TMEM200B: variants seen among roughly 807,000 people sequenced by gnomAD.
TMEM200B encodes the protein transmembrane protein TTMA.
In TMEM200B, 12 loss-of-function variants were observed where a neutral mutation model predicts 17.6. That is an observed-to-expected ratio of 0.68 (90% CI 0.44 to 1.11). The LOEUF is 1.11. TMEM200B is among the 50% of genes least tolerant of loss of function. TMEM200B has a pLI of 0.00. For synonymous variants in TMEM200B, 234 were observed against 209.2 expected (o/e 1.12, Z -1.02); for missense variants, 456 against 447.6 (o/e 1.02, Z -0.17).
Position 29,121,506 on chromosome 1 carries a change from T to A in TMEM200B, c.323A>T (p.His108Leu). The A allele has an allele frequency of 6.6e-7, 1 of 1,515,446 alleles. No homozygotes were observed. Among genetic ancestry groups the A allele is most frequent in the East Asian group, 2.5e-5 (1 of 40,056 alleles). The allele number at this position is 1,515,446 out of a possible 1,614,324, so 93.9% of individuals were successfully genotyped here. The change falls in exon 2 of 2, where the codon CAC becomes CTC. Residue 108 changes from histidine to leucine, a missense_variant. His to Leu is a moderately conservative substitution (Grantham distance 99). Transcript: ENST00000521452. This position sits in a 1 kb window ranked among gnomAD's most constrained non-coding sequence, Gnocchi z 5.6. ...RREGRGGGRA[H>L]GPHERLRLLG... ...GAGCCGCAGCCGCTCGTGCGGGCCG[T>A]GAGCCCGGCCCCCGCCGCGACCCTC... is the stretch of plus-strand genomic sequence containing the variant.
At position 29,121,658 on chromosome 1, in the gene TMEM200B, C is replaced by T. The variant is rs1483419364; in HGVS notation, c.171G>A (p.Ala57=). The T allele has an allele frequency of 7.0e-7, 1 of 1,422,516 alleles. No individual in the cohort carries two copies. Among genetic ancestry groups the T allele is most frequent in the South Asian group, 1.4e-5 (1 of 69,484 alleles). 88.1% of individuals were successfully genotyped at this position (1,422,516 alleles called of 1,614,324 possible). The change falls in exon 2 of 2, where the codon GCG becomes GCA. Residue 57 remains alanine (A), a synonymous_variant. Coordinates refer to ENST00000521452, the MANE Select transcript of TMEM200B (RefSeq NM_001003682.4). This position sits in a 1 kb window ranked among gnomAD's most constrained non-coding sequence, Gnocchi z 5.6. The part of the protein sequence containing the change: ...RLRSPSGAFA[A]LGALVVLVGM... ...CCACCAGTACCACGAGCGCCCCCAGCGCCGCGAACGCCCCCGACGGCGAGC... is the reference window on the plus strand; with the variant it reads ...CCACCAGTACCACGAGCGCCCCCAGTGCCGCGAACGCCCCCGACGGCGAGC...
chr1:29,121,583 TG>T lies in TMEM200B; in HGVS notation c.245del (p.Pro82GlnfsTer13). 1 of 1,488,620 alleles carries T rather than the reference TG, an allele frequency of 6.7e-7. No homozygotes were observed. The highest frequency in any genetic ancestry group is 8.9e-7 in the Non-Finnish European group (1 of 1,128,398). 92.2% of individuals were successfully genotyped at this position (1,488,620 alleles called of 1,614,324 possible). On this transcript the variant is annotated frameshift_variant, in exon 2 of 2. Transcript: ENST00000521452. LOFTEE classifies it high-confidence loss of function. The surrounding 1 kb of genome is among the most constrained non-coding windows in gnomAD (Gnocchi z 5.6). ...AGYWPHRAGA[P>X]GSRAANASSP... ...AGCTGGCATTGGCGGCCCGGGACCCTGGGGCCCCGGCCCGGTGCGGCCAGTA... is the reference window on the plus strand; with the variant it reads ...AGCTGGCATTGGCGGCCCGGGACCCTGGGCCCCGGCCCGGTGCGGCCAGTA...
chr1:29,123,323 C>T (rs1217011988), intron 1 of TMEM200B, among the ~76,000 whole-genome samples: 1 of 152,188 alleles, frequency 6.6e-6, no homozygotes, highest in East Asian at 1.9e-4. Context: ...CCAGGTCCGA[C>T]GCCGGGCTCC....
Position 29,121,881 on chromosome 1 carries a change from C to T in TMEM200B, c.-20-33G>A. ...GAGAAGATGGGAGGCAAGGACTGGA[C>T]CGACGGGCCTCTAGCTTCAGGGCGC... is the stretch of plus-strand genomic sequence containing the variant. On this transcript the variant is annotated intron_variant, in intron 1 of 1. Coordinates refer to ENST00000521452, the MANE Select transcript of TMEM200B (RefSeq NM_001003682.4). The surrounding 1 kb of genome is among the most constrained non-coding windows in gnomAD (Gnocchi z 5.6). 1 of 1,228,428 alleles carries T rather than the reference C, an allele frequency of 8.1e-7. No homozygotes were observed. Among genetic ancestry groups the T allele is most frequent in the Non-Finnish European group, 1.0e-6 (1 of 978,228 alleles). 76.1% of individuals were successfully genotyped at this position (1,228,428 alleles called of 1,614,324 possible).
rs1671663753 is a variant in TMEM200B at position 29,120,109 on chromosome 1, T to C, written c.*796A>G. On this transcript the variant is annotated 3_prime_UTR_variant, in exon 2 of 2. Transcript: ENST00000521452. ...CCAGCAACTTGGGAAAAATTAAATA[T>C]GGGTGGGGGAGACCTAAACTCAAGT... is the stretch of plus-strand genomic sequence containing the variant. 1 of 152,712 alleles carries C rather than the reference T, an allele frequency of 6.5e-6. No individual in the cohort carries two copies. The allele number at this position is 152,712 out of a possible 1,614,324, so 9.5% of individuals were successfully genotyped here.
chr1:29,123,781 G>C (rs1172070523), intron 1 of TMEM200B, 75 bp downstream of exon 1: 1 of 150,022 alleles, frequency 6.7e-6, no homozygotes. Flanking sequence ...CCGAGGGAGG[G>C]AGGGAGGGAG....
rs1429923241 is a variant in TMEM200B at position 29,121,926 on chromosome 1, C to T, written c.-20-78G>A. 4 of 1,048,624 alleles carry T rather than the reference C, an allele frequency of 3.8e-6. No individual in the cohort carries two copies. Among genetic ancestry groups the T allele is most frequent in the Non-Finnish European group, 3.5e-6 (3 of 853,122 alleles). The allele number at this position is 1,048,624 out of a possible 1,614,324, so 65.0% of individuals were successfully genotyped here. A position where few individuals can be genotyped will look rare whatever the true frequency, so the allele number is the denominator to read the frequency against. On this transcript the variant is annotated intron_variant, in intron 1 of 1. Coordinates refer to ENST00000521452, the MANE Select transcript of TMEM200B (RefSeq NM_001003682.4). This position sits in a 1 kb window ranked among gnomAD's most constrained non-coding sequence, Gnocchi z 5.6. ...GGGCGCCAGGTTCGGGGCGCAAATC[C>T]GGGAGGGAAGCTCCGGCCGCCCAGC... is the stretch of plus-strand genomic sequence containing the variant.
In TMEM200B at chr1:29,120,876, A is replaced by G; in HGVS notation, c.*29T>C. 1 of 1,549,312 alleles carries G rather than the reference A, an allele frequency of 6.5e-7. No homozygotes were observed. The highest frequency in any genetic ancestry group is 8.7e-7 in the Non-Finnish European group (1 of 1,146,908). On this transcript the variant is annotated 3_prime_UTR_variant, in exon 2 of 2. Coordinates refer to ENST00000521452, the MANE Select transcript of TMEM200B (RefSeq NM_001003682.4). ...GTCCTATTAGCATGGTCCATGCTGC[A>G]GCCTCAGAGCAGGCTGTCTCCCCTC... is the stretch of plus-strand genomic sequence containing the variant.
In TMEM200B at chr1:29,121,161, C is replaced by T. The variant is rs1435934101; in HGVS notation, c.668G>A (p.Ser223Asn). 5.6e-6 allele frequency: 9 copies of T among 1,613,654 alleles called. No individual in the cohort carries two copies. The change falls in exon 2 of 2, where the codon AGC becomes AAC. Residue 223 changes from serine (S) to asparagine (N), a missense_variant. Ser to Asn is a conservative substitution (Grantham distance 46, BLOSUM62 1). Transcript: ENST00000521452. The surrounding 1 kb of genome is among the most constrained non-coding windows in gnomAD (Gnocchi z 5.6). Reference sequence around the variant, plus strand: ...CAGCCCGGGGCCCTTCAGCGGGTAGCTGTTGAGCAAGGCAGGTAACCCCAA... The same window carrying T: ...CAGCCCGGGGCCCTTCAGCGGGTAGTTGTTGAGCAAGGCAGGTAACCCCAA... Reference protein sequence around the residue: ...PRLGLPALLNSYPLKGPGLPP... With the variant: ...PRLGLPALLNNYPLKGPGLPP...
chr1:29,121,612 C>T lies in TMEM200B; in HGVS notation c.217G>A (p.Gly73Ser). 1.3e-6 allele frequency: 2 copies of T among 1,494,056 alleles called. No individual in the cohort carries two copies. Among genetic ancestry groups the T allele is most frequent in the Non-Finnish European group, 1.8e-6 (2 of 1,131,262 alleles). 92.5% of individuals were successfully genotyped at this position (1,494,056 alleles called of 1,614,324 possible). ...GCCCCGGCCCGGTGCGGCCAGTAGCCGGCCACTGCAATGCCCATACCCACC... is the reference window on the plus strand; with the variant it reads ...GCCCCGGCCCGGTGCGGCCAGTAGCTGGCCACTGCAATGCCCATACCCACC... ...VLVGMGIAVA[G>S]YWPHRAGAPG... Residue 73 changes from glycine to serine, a missense_variant, in exon 2 of 2, where the codon GGC becomes AGC. Gly to Ser is a moderately conservative substitution (Grantham distance 56). Transcript: ENST00000521452. The surrounding 1 kb of genome is among the most constrained non-coding windows in gnomAD (Gnocchi z 5.6).
At chr1:29,122,662 C>T (rs1164871098) in intron 1 of TMEM200B, among the ~76,000 whole-genome samples, 1 of 152,224 alleles carries the variant, frequency 6.6e-6, no homozygotes, top group African/African-American at 2.4e-5. Flanking sequence ...GATGCCCTCC[C>T]GGCTCCCCCG....
rs1296000736 is a variant in TMEM200B, at chr1:29,121,547, C to T, written c.282G>A (p.Met94Ile). ...SRAANASSPQ[M>I]SELRREGRGG... ...CGCGACCCTCGCGTCGCAGCTCGCT[C>T]ATCTGGGGCGAGCTGGCATTGGCGG... Residue 94 changes from methionine (M) to isoleucine (I), a missense_variant, in exon 2 of 2, where the codon ATG (methionine) becomes ATA (isoleucine). By Grantham distance (10) the Met-to-Ile change is conservative (BLOSUM62 1). Transcript: ENST00000521452. This position sits in a 1 kb window ranked among gnomAD's most constrained non-coding sequence, Gnocchi z 5.6. 3.3e-6 allele frequency: 5 copies of T among 1,509,078 alleles called. No individual in the cohort carries two copies. The highest frequency in any genetic ancestry group is 2.2e-5 in the Admixed American group (1 of 45,426). The allele number at this position is 1,509,078 out of a possible 1,614,324, so 93.5% of individuals were successfully genotyped here. A position where few individuals can be genotyped will look rare whatever the true frequency, so the allele number is the denominator to read the frequency against.
intron 1 of TMEM200B, chr1:29,122,593 T>C (rs1414978915): frequency 6.6e-6 from 1 of 152,310 alleles, no homozygotes; most frequent in Admixed American, 6.5e-5. Flanking sequence ...CCAGCGGTCG[T>C]GCTGGGGCCA....
rs1671727550 is a variant in TMEM200B, at chr1:29,120,788, A to G, written c.*117T>C. 3 of 1,290,460 alleles carry G rather than the reference A, an allele frequency of 2.3e-6. No individual in the cohort carries two copies. In the South Asian group the frequency reaches 4.7e-5, roughly 20 times the overall value. 79.9% of individuals were successfully genotyped at this position (1,290,460 alleles called of 1,614,324 possible). Reference sequence around the variant, plus strand: ...CCTTCACAGCTGCTGTGGTCAGAGCATCCATCCCCAGCCTGGGATGTGACT... The same window carrying G: ...CCTTCACAGCTGCTGTGGTCAGAGCGTCCATCCCCAGCCTGGGATGTGACT... On this transcript the variant is annotated 3_prime_UTR_variant, in exon 2 of 2. Transcript: ENST00000521452.
At position 29,121,917 on chromosome 1, in the gene TMEM200B, G is replaced by C; in HGVS notation, c.-20-69C>G. 1 of 1,099,288 alleles carries C rather than the reference G, an allele frequency of 9.1e-7. No homozygotes were observed. The highest frequency in any genetic ancestry group is 1.1e-6 in the Non-Finnish European group (1 of 891,728). 68.1% of individuals were successfully genotyped at this position (1,099,288 alleles called of 1,614,324 possible). A position where few individuals can be genotyped will look rare whatever the true frequency, so the allele number is the denominator to read the frequency against. ...CTAGCTTCAGGGCGCCAGGTTCGGGGCGCAAATCCGGGAGGGAAGCTCCGG... is the reference window on the plus strand; with the variant it reads ...CTAGCTTCAGGGCGCCAGGTTCGGGCCGCAAATCCGGGAGGGAAGCTCCGG... On this transcript the variant is annotated intron_variant, in intron 1 of 1. Coordinates refer to ENST00000521452, the MANE Select transcript of TMEM200B (RefSeq NM_001003682.4). This position sits in a 1 kb window ranked among gnomAD's most constrained non-coding sequence, Gnocchi z 5.6.
chr1:29,120,435 T>G lies in TMEM200B; in HGVS notation c.*470A>C. ...CCCCGTCCCAGATGGCAGTGGAGAG[T>G]CTCATCCCGTGGTCCATCTTCCCAG... On this transcript the variant is annotated 3_prime_UTR_variant, in exon 2 of 2. Transcript: ENST00000521452. The G allele has an allele frequency of 6.0e-6, 1 of 166,266 alleles. No individual in the cohort carries two copies. Among genetic ancestry groups the G allele is most frequent in the East Asian group, 1.7e-4 (1 of 5,730 alleles). 10.3% of individuals were successfully genotyped at this position (166,266 alleles called of 1,614,324 possible).
rs755469394 is a variant in TMEM200B at position 29,121,646 on chromosome 1, G to A, written c.183C>T (p.Leu61=). The change falls in exon 2 of 2, where the codon CTC becomes CTT. Residue 61 remains leucine (L), a synonymous_variant. Transcript: ENST00000521452. The surrounding 1 kb of genome is among the most constrained non-coding windows in gnomAD (Gnocchi z 5.6). The part of the protein sequence containing the change: ...PSGAFAALGA[L]VVLVGMGIAV... ...CAATGCCCATACCCACCAGTACCAC[G>A]AGCGCCCCCAGCGCCGCGAACGCCC... 8.2e-6 allele frequency: 12 copies of A among 1,457,104 alleles called. No homozygotes were observed. In the East Asian group the frequency reaches 2.4e-4, roughly 29 times the overall value. The allele number at this position is 1,457,104 out of a possible 1,614,324, so 90.3% of individuals were successfully genotyped here.
In TMEM200B at chr1:29,121,972, T is replaced by C; in HGVS notation, c.-20-124A>G. The C allele has an allele frequency of 1.4e-6, 1 of 696,816 alleles. No individual in the cohort carries two copies. Among genetic ancestry groups the C allele is most frequent in the Non-Finnish European group, 1.9e-6 (1 of 538,086 alleles). 43.2% of individuals were successfully genotyped at this position (696,816 alleles called of 1,614,324 possible). ...CCAGCCCAGGCCGCTTGGAGATCCC[T>C]GGCGGCCACCCCCGGATTTTCCCGG... On this transcript the variant is annotated intron_variant, in intron 1 of 1. Coordinates refer to ENST00000521452, the MANE Select transcript of TMEM200B (RefSeq NM_001003682.4). The surrounding 1 kb of genome is among the most constrained non-coding windows in gnomAD (Gnocchi z 5.6).
chr1:29,121,191 G>C lies in TMEM200B; in HGVS notation c.638C>G (p.Pro213Arg), dbSNP rs1220933046. 1.2e-6 allele frequency: 2 copies of C among 1,613,428 alleles called. No individual in the cohort carries two copies. The highest frequency in any genetic ancestry group is 4.5e-5 in the East Asian group (2 of 44,888). Reference sequence around the variant, plus strand: ...GAGCAAGGCAGGTAACCCCAAGCGAGGATTAGCGGGCTCTGAACGCAGACT... The same window carrying C: ...GAGCAAGGCAGGTAACCCCAAGCGACGATTAGCGGGCTCTGAACGCAGACT... ...VRSLRSEPAN[P>R]RLGLPALLNS... Residue 213 changes from proline to arginine, a missense_variant, in exon 2 of 2, where the codon CCT becomes CGT. By Grantham distance (103) the Pro-to-Arg change is moderately radical. Transcript: ENST00000521452. The surrounding 1 kb of genome is among the most constrained non-coding windows in gnomAD (Gnocchi z 5.6).
Sources: gnomAD v4.1 joint callset for allele counts (sites outside exome capture counted in the v4.1 genomes callset) on GRCh38, gnomAD v4.1.1 for gene constraint, Gnocchi (gnomAD v3.1) non-coding constraint, MANE v1.5 for transcripts, NCBI Gene and HGNC (gene_info 2026-07-23, HGNC 2026-07-21) for gene names.